ZNF385D: variants seen among roughly 807,000 people sequenced by gnomAD.
ZNF385D encodes zinc finger protein 385D.
A neutral mutation model predicts 35.8 loss-of-function variants in ZNF385D; 15 were observed. That is an observed-to-expected ratio of 0.42 (90% CI 0.28 to 0.64). The LOEUF (loss-of-function observed/expected upper bound fraction) is 0.64. Among genes scored for constraint, ZNF385D ranks in the 30% least tolerant of loss-of-function variants. ZNF385D has a pLI of 0.23. For synonymous variants in ZNF385D, 212 were observed against 186.8 expected (o/e 1.13, Z -1.10); for missense variants, 474 against 494.6 (o/e 0.96, Z 0.39).
At chr3:21,472,952 T>C (rs1704000948) in intron 4 of ZNF385D, among the ~76,000 whole-genome samples, 2 of 152,152 alleles carry the variant, frequency 1.3e-5, no homozygotes, top group Non-Finnish European at 1.5e-5. Flanking sequence ...CTAGAGTTTT[T>C]TTTCAGAATA....
intron 3 of ZNF385D, among the ~76,000 whole-genome samples, chr3:22,067,261 C>A (rs1700005116): frequency 6.6e-6 from 1 of 152,166 alleles, no homozygotes; most frequent in Non-Finnish European, 1.5e-5. Context: ...TTAAGGGCAA[C>A]CTGTCATCTC....
intron 2 of ZNF385D, among the ~76,000 whole-genome samples, chr3:22,336,873 G>T (rs905841114): frequency 6.2e-5 from 6 of 96,260 alleles, no homozygotes; most frequent in Non-Finnish European, 1.1e-4. Context: ...GGTAATGAAT[G>T]ACATCCTTGA....
In ZNF385D at chr3:21,511,043, G is replaced by T. The variant is rs748341725; in HGVS notation, c.277-20C>A. 1 of 1,613,462 alleles carries T rather than the reference G, an allele frequency of 6.2e-7. No individual in the cohort carries two copies. Among genetic ancestry groups the T allele is most frequent in the Non-Finnish European group, 8.5e-7 (1 of 1,179,774 alleles). ...CTGGCTCTACAAAGGAGAACAAAAT[G>T]AACCATGCAATCAGGCTCATTTCTA... On this transcript the variant is annotated intron_variant, in intron 3 of 7. Transcript: ENST00000281523.
intron 3 of ZNF385D, among the ~76,000 whole-genome samples, chr3:22,023,864 G>A (rs898552176): frequency 6.6e-6 from 1 of 151,982 alleles, no homozygotes; most frequent in Non-Finnish European, 1.5e-5. Context: ...AATGATGTTA[G>A]GTTCATTAAA....
In ZNF385D at chr3:21,535,037, A is replaced by G. The variant is rs376970395; in HGVS notation, c.277-24014T>C. On this transcript the variant is annotated intron_variant, in intron 3 of 7. Coordinates refer to ENST00000281523, the MANE Select transcript of ZNF385D (RefSeq NM_024697.3). Reference sequence around the variant, plus strand: ...AACTATAGGCTAAATCATCTAAAGAACACAGCAACAGGAATATAATATCTT... The same window carrying G: ...AACTATAGGCTAAATCATCTAAAGAGCACAGCAACAGGAATATAATATCTT... Among the ~76,000 whole-genome samples, 6 of 152,142 alleles carry G rather than the reference A, an allele frequency of 3.9e-5. No individual in the cohort carries two copies. The South Asian group carries it at 1.3e-3, about 32-fold the overall frequency.
intron 2 of ZNF385D, among the ~76,000 whole-genome samples, chr3:22,235,129 G>T (rs948236973): frequency 1.3e-5 from 2 of 152,044 alleles, no homozygotes; most frequent in Admixed American, 1.3e-4. Flanking sequence ...ATGTGTATGT[G>T]TGTGTGTGCA....
chr3:21,826,927 C>G (rs938339699), intron 3 of ZNF385D, among the ~76,000 whole-genome samples: 6 of 151,924 alleles, frequency 3.9e-5, no homozygotes, highest in African/African-American at 1.5e-4. Flanking sequence ...ACTTCAAGGT[C>G]AAAGTGCCTG....
chr3:21,653,162 T>C (rs1034015828), intron 2 of ZNF385D, among the ~76,000 whole-genome samples: 1 of 152,176 alleles, frequency 6.6e-6, no homozygotes, highest in Admixed American at 6.5e-5. Flanking sequence ...CTATTACATT[T>C]TGCAACTGGT....
At chr3:21,554,010 T>C (rs984569897) in intron 3 of ZNF385D, among the ~76,000 whole-genome samples, 1 of 152,206 alleles carries the variant, frequency 6.6e-6, no homozygotes, top group Non-Finnish European at 1.5e-5. Flanking sequence ...GGAAGAAACT[T>C]CTTTTAAATT....
chr3:21,812,379 A>C (rs2072959408), intron 3 of ZNF385D, among the ~76,000 whole-genome samples: 1 of 152,222 alleles, frequency 6.6e-6, no homozygotes, highest in Non-Finnish European at 1.5e-5. Context: ...ATGGAGTGTG[A>C]GCTGAAGCAG....
chr3:21,658,664 T>A (rs966608896), intron 2 of ZNF385D, among the ~76,000 whole-genome samples: 1 of 152,016 alleles, frequency 6.6e-6, no homozygotes, highest in Non-Finnish European at 1.5e-5. Context: ...TCATGTTCTA[T>A]ACTATGGTTA....
intron 3 of ZNF385D, among the ~76,000 whole-genome samples, chr3:21,985,093 A>G (rs2125380620): frequency 7.4e-6 from 1 of 135,164 alleles, no homozygotes; most frequent in South Asian, 2.8e-4. Flanking sequence ...TTCTAGATAA[A>G]CAATCATGTC....
intron 3 of ZNF385D, among the ~76,000 whole-genome samples, chr3:22,128,538 A>G (rs1703580975): frequency 6.6e-6 from 1 of 152,004 alleles, no homozygotes; most frequent in South Asian, 2.1e-4. Flanking sequence ...GCTATTTTCT[A>G]GATCTTGTAT....
In ZNF385D at chr3:22,092,608, T is replaced by G. The variant is rs190277060; in HGVS notation, c.325+76209A>C. Among the ~76,000 whole-genome samples the G allele has an allele frequency of 6.6e-5, 10 of 152,286 alleles. 1 individual carries two copies. Among genetic ancestry groups the G allele is most frequent in the Admixed American group, 6.5e-4 (10 of 15,288 alleles). ...TGTGGAAGCTGGTTCCAGACCCTCT[T>G]GCTTCTATTATGTATCAATTCAGCC... On this transcript the variant is annotated intron_variant, in intron 3 of 5. Coordinates refer to the ZNF385D transcript ENST00000494108.
upstream of ZNF385D, among the ~76,000 whole-genome samples, chr3:21,756,103 G>C (rs993789460): frequency 1.3e-5 from 2 of 152,174 alleles, no homozygotes; most frequent in African/African-American, 4.8e-5. Context: ...CACTATGACT[G>C]ACGTATGAAG....
intron 2 of ZNF385D, among the ~76,000 whole-genome samples, chr3:22,190,439 T>A (rs1994727): frequency 0.88 from 134,298 of 152,248 alleles, 59,581 homozygotes; most frequent in East Asian, 1. Context: ...AAATGAGTGG[T>A]AAGTTCCTTT....
chr3:21,979,211 G>T (rs1372666723), intron 3 of ZNF385D, among the ~76,000 whole-genome samples: 1 of 150,052 alleles, frequency 6.7e-6, no homozygotes, highest in Non-Finnish European at 1.5e-5. Flanking sequence ...GGGGGACCAT[G>T]GGGTATTTTG....
At chr3:21,918,877 A>T (rs1413624878) in intron 3 of ZNF385D, among the ~76,000 whole-genome samples, 1 of 152,058 alleles carries the variant, frequency 6.6e-6, no homozygotes, top group Non-Finnish European at 1.5e-5. Context: ...TTATCTTCTG[A>T]CTCATCCTTT....
chr3:21,971,209 A>G (rs1471540561), intron 3 of ZNF385D, among the ~76,000 whole-genome samples: 4 of 152,120 alleles, frequency 2.6e-5, no homozygotes, highest in Non-Finnish European at 5.9e-5. Context: ...TAAACTACTC[A>G]TACCCAGAAT....
Sources: gnomAD v4.1 joint callset for allele counts (sites outside exome capture counted in the v4.1 genomes callset) on GRCh38, gnomAD v4.1.1 for gene constraint, MANE v1.5 for transcripts, NCBI Gene and HGNC (gene_info 2026-07-23, HGNC 2026-07-21) for gene names.